Variants in ZNF438 observed in about 807,000 individuals in gnomAD.
ZNF438 encodes zinc finger protein 438.
ZNF438 carries 25 observed loss-of-function variants against 38.0 expected under a neutral mutation model. That is an observed-to-expected ratio of 0.66 (90% confidence interval 0.48 to 0.92). The LOEUF is 0.92. ZNF438 is among the 40% of genes least tolerant of loss of function. ZNF438 has a pLI of 0.00. For synonymous variants in ZNF438, 372 were observed against 364.1 expected, an observed-to-expected ratio of 1.02 and a Z score of -0.25; for missense variants, 1,007 against 999.6, an observed-to-expected ratio of 1.01 and a Z score of -0.10.
At chr10:31,011,171 T>C (rs1223542324) in intron 1 of ZNF438, among the ~76,000 whole-genome samples, 1 of 152,130 alleles carries the variant, frequency 6.6e-6, no homozygotes, top group Non-Finnish European at 1.5e-5. Context: ...AGAGAGAGCA[T>C]GGCCTGGGGT....
At chr10:30,992,331 GA>G (rs920345279) in intron 1 of ZNF438, among the ~76,000 whole-genome samples, 2 of 151,722 alleles carry the variant, frequency 1.3e-5, no homozygotes, top group African/African-American at 4.8e-5. Context: ...GAGCTGGATA[GA>G]AAAAAACCTG....
At chr10:30,953,282 TG>T (rs2048440900) in intron 1 of ZNF438, among the ~76,000 whole-genome samples, 2 of 151,788 alleles carry the variant, frequency 1.3e-5, no homozygotes, top group African/African-American at 4.8e-5. Flanking sequence ...GGGATAACAT[TG>T]GGAGATATAC....
exon 6 of ZNF438, chr10:30,844,870 A>C (rs1364112583): frequency 1.4e-6 from 2 of 1,464,784 alleles, no homozygotes; most frequent in African/African-American, 2.8e-5. Flanking sequence ...CTGTTGTTTG[A>C]TCTTTGTGAC....
At chr10:31,020,760 T>C (rs1289730139) in intron 1 of ZNF438, among the ~76,000 whole-genome samples, 1 of 151,674 alleles carries the variant, frequency 6.6e-6, no homozygotes, top group Admixed American at 6.6e-5. Flanking sequence ...TTATTGTTCA[T>C]AATGTTAATG....
intron 4 of ZNF438, among the ~76,000 whole-genome samples, chr10:30,863,473 T>C (rs549158076): frequency 6.6e-6 from 1 of 152,230 alleles, no homozygotes; most frequent in East Asian, 1.9e-4. Context: ...GGCGGCAGAG[T>C]TTGAAAGCTG....
At chr10:30,990,352 CAAATAATATGCATAAAT>C (rs1228799772) in intron 1 of ZNF438, among the ~76,000 whole-genome samples, 1 of 151,902 alleles carries the variant, frequency 6.6e-6, no homozygotes, top group African/African-American at 2.4e-5. Flanking sequence ...CAAATAGATA[CAAATAATATGCATAAAT>C]GGCTGCTAAG....
At chr10:30,976,041 T>C (rs943754015) in intron 1 of ZNF438, among the ~76,000 whole-genome samples, 1 of 152,082 alleles carries the variant, frequency 6.6e-6, no homozygotes, top group African/African-American at 2.4e-5. Flanking sequence ...ATAGGTGTCA[T>C]ATAAATTTAA....
intron 4 of ZNF438, among the ~76,000 whole-genome samples, chr10:30,874,114 GTATATATATATA>G (rs58422289): frequency 0.024 from 1,944 of 79,974 alleles, 37 homozygotes; most frequent in African/African-American, 0.043. Flanking sequence ...GTGTGTGTGT[GTATATATATATA>G]TATATATATA....
In ZNF438 at chr10:31,027,530, A is replaced by T. The variant is rs540290479; in HGVS notation, c.-192+4303T>A. Among the ~76,000 whole-genome samples the T allele has an allele frequency of 2.0e-4, 31 of 152,224 alleles. No homozygotes were observed. The East Asian group carries it at 6.0e-3, about 29-fold the overall frequency. On this transcript the variant is annotated intron_variant, in intron 1 of 5. Coordinates refer to ENST00000413025, the Ensembl canonical transcript of ZNF438. ...TGCTGGGAGCTACCTGACACAATTA[A>T]ATAACCATCAACCTGCCCTCACTGT...
At chr10:30,866,382 A>C (rs1270935252) in intron 4 of ZNF438, among the ~76,000 whole-genome samples, 1 of 152,224 alleles carries the variant, frequency 6.6e-6, no homozygotes, top group Non-Finnish European at 1.5e-5. Flanking sequence ...TTTTCTCAAA[A>C]GTGAATGAAT....
At chr10:30,901,951 C>G (rs760612722) in intron 3 of ZNF438, among the ~76,000 whole-genome samples, 1 of 152,042 alleles carries the variant, frequency 6.6e-6, no homozygotes, top group African/African-American at 2.4e-5. Flanking sequence ...GGTGGCGCGT[C>G]TGGAGTTGTT....
intron 1 of ZNF438, among the ~76,000 whole-genome samples, chr10:31,019,342 C>T (rs1326685137): frequency 6.6e-6 from 1 of 152,078 alleles, no homozygotes; most frequent in African/African-American, 2.4e-5. Context: ...TATTAAAAAC[C>T]AATGTATAAA....
rs1280259389 is a variant in ZNF438, at chr10:30,872,966, G to T, written c.37+4032C>A. Among the ~76,000 whole-genome samples the T allele has an allele frequency of 2.0e-5, 3 of 152,172 alleles. No individual in the cohort carries two copies. The East Asian group carries it at 5.8e-4, about 29-fold the overall frequency. On this transcript the variant is annotated intron_variant, in intron 4 of 5. Coordinates refer to ENST00000413025, the Ensembl canonical transcript of ZNF438. ...CACATAAGACACATACATTGTCCCT[G>T]TCAGAGAATCATTTGGTGATACTGC...
intron 1 of ZNF438, among the ~76,000 whole-genome samples, chr10:30,993,612 T>C (rs1257654074): frequency 6.6e-6 from 1 of 152,246 alleles, no homozygotes; most frequent in African/African-American, 2.4e-5. Context: ...GGTAGACTCA[T>C]TGCTGAGAGC....
At chr10:30,978,547 A>C (rs928446415) in intron 1 of ZNF438, among the ~76,000 whole-genome samples, 2 of 152,202 alleles carry the variant, frequency 1.3e-5, no homozygotes, top group Non-Finnish European at 1.5e-5. Flanking sequence ...CCATATAATC[A>C]CCACCAGAAT....
intron 4 of ZNF438, among the ~76,000 whole-genome samples, chr10:30,864,124 A>G (rs1369529517): frequency 1.3e-5 from 2 of 152,068 alleles, no homozygotes; most frequent in East Asian, 1.9e-4. Flanking sequence ...GAACTCATTC[A>G]CTGTCCCTTT....
chr10:30,916,085 C>A (rs906780679), intron 2 of ZNF438, among the ~76,000 whole-genome samples: 4 of 151,922 alleles, frequency 2.6e-5, no homozygotes, highest in Admixed American at 2.6e-4. Flanking sequence ...TTATACTGTA[C>A]CAATATAAAT....
intron 3 of ZNF438, among the ~76,000 whole-genome samples, chr10:30,882,861 C>T (rs745664241): frequency 3.9e-5 from 6 of 151,980 alleles, no homozygotes; most frequent in Non-Finnish European, 5.9e-5. Flanking sequence ...GTATGCCAAT[C>T]GTATCCTAAT....
chr10:30,852,215 CTT>C (rs111847519), intron 4 of ZNF438, among the ~76,000 whole-genome samples: 7 of 145,598 alleles, frequency 4.8e-5, no homozygotes, highest in African/African-American at 1.0e-4. Context: ...TTTCTTTTTT[CTT>C]TTTTTTTTTT....
Sources: gnomAD v4.1 joint callset for allele counts (sites outside exome capture counted in the v4.1 genomes callset) on GRCh38, gnomAD v4.1.1 for gene constraint, MANE v1.5 for transcripts, NCBI Gene and HGNC (gene_info 2026-07-23, HGNC 2026-07-21) for gene names.